MAPK10: variants seen among roughly 807,000 people sequenced by gnomAD.
The protein encoded by MAPK10 is mitogen-activated protein kinase 10, also known as JNK3 alpha protein kinase.
A neutral mutation model predicts 59.3 loss-of-function variants in MAPK10; 25 were observed. That is an observed-to-expected ratio of 0.42 (90% CI 0.31 to 0.59). MAPK10 has a LOEUF of 0.59. Among genes scored for constraint, MAPK10 ranks in the 20% least tolerant of loss-of-function variants. The probability of loss-of-function intolerance (pLI) is 0.15; values close to 1 mark genes in which losing one functional copy is unlikely to be tolerated. For missense variants in MAPK10, 351 were observed against 568.9 expected (o/e 0.62, Z 3.90); for synonymous variants, 190 against 200.5 (o/e 0.95, Z 0.44).
chr4:86,320,709 G>A (rs1053547810), intron 2 of MAPK10, among the ~76,000 whole-genome samples: 2 of 152,176 alleles, frequency 1.3e-5, no homozygotes, highest in African/African-American at 4.8e-5. Flanking sequence ...TGCTTTTGGT[G>A]TTTTAGACAT....
chr4:86,394,451 TGAA>T, intron 1 of MAPK10, among the ~76,000 whole-genome samples: 1 of 152,170 alleles, frequency 6.6e-6, no homozygotes, highest in Non-Finnish European at 1.5e-5. Flanking sequence ...ATATATATCT[TGAA>T]AATAAAATAA....
chr4:86,527,075 G>A (rs924018789), intron 1 of MAPK10, among the ~76,000 whole-genome samples: 27 of 152,040 alleles, frequency 1.8e-4, no homozygotes, highest in African/African-American at 5.8e-4. Context: ...TTTGGAGGCT[G>A]AGGCAAGAGG....
upstream of MAPK10, among the ~76,000 whole-genome samples, chr4:86,453,704 T>A (rs1270091729): frequency 6.6e-6 from 1 of 151,630 alleles, no homozygotes; most frequent in Non-Finnish European, 1.5e-5. Context: ...ACAAAGGGCA[T>A]ATACCCTTGG....
At chr4:86,299,828 G>T (rs561783350) in intron 2 of MAPK10, among the ~76,000 whole-genome samples, 1 of 152,076 alleles carries the variant, frequency 6.6e-6, no homozygotes, top group Non-Finnish European at 1.5e-5. Flanking sequence ...TGCTAAACTA[G>T]AATATTATAT....
At chr4:86,474,145 G>T (rs974846021) in intron 1 of MAPK10, among the ~76,000 whole-genome samples, 1 of 152,108 alleles carries the variant, frequency 6.6e-6, no homozygotes, top group African/African-American at 2.4e-5. Context: ...TTCCAACAGG[G>T]TTTCAGTTTT....
intron 1 of MAPK10, among the ~76,000 whole-genome samples, chr4:86,528,079 C>T (rs187490551): frequency 3.9e-5 from 6 of 152,088 alleles, no homozygotes; most frequent in Admixed American, 1.3e-4. Context: ...TGGGATCATT[C>T]GTACCCCAAA....
At chr4:86,488,424 G>C (rs1754198718) in intron 1 of MAPK10, among the ~76,000 whole-genome samples, 1 of 152,112 alleles carries the variant, frequency 6.6e-6, no homozygotes, top group South Asian at 2.1e-4. Context: ...TTATGAGTTG[G>C]ATAATATCCC....
At chr4:86,277,025 C>T (rs1052629470) in intron 2 of MAPK10, 1 of 152,158 alleles carries the variant, frequency 6.6e-6, no homozygotes, top group Admixed American at 6.6e-5. Flanking sequence ...ATCATCTCTT[C>T]CCTGTGTGAA....
chr4:86,356,309 T>A (rs1734453320), intron 1 of MAPK10, among the ~76,000 whole-genome samples: 1 of 152,194 alleles, frequency 6.6e-6, no homozygotes, highest in Non-Finnish European at 1.5e-5. Flanking sequence ...CATCTCATAG[T>A]CACCAGAGAT....
intron 4 of MAPK10, among the ~76,000 whole-genome samples, chr4:86,133,338 G>C (rs1188989535): frequency 2.0e-5 from 3 of 152,054 alleles, no homozygotes; most frequent in Non-Finnish European, 4.4e-5. Context: ...TGATTCTGTG[G>C]TATTTATCAG....
chr4:86,212,874 AAATGAAC>A (rs1162192334), intron 2 of MAPK10, among the ~76,000 whole-genome samples: 13 of 152,150 alleles, frequency 8.5e-5, no homozygotes, highest in South Asian at 2.1e-4. Flanking sequence ...ACAGCACAAT[AAATGAAC>A]AATAGCTAAT....
chr4:86,498,170 G>A (rs1328732616), intron 1 of MAPK10, among the ~76,000 whole-genome samples: 1 of 152,138 alleles, frequency 6.6e-6, no homozygotes, highest in African/African-American at 2.4e-5. Context: ...TCATCCCTTC[G>A]ACTCTCAAAA....
At chr4:86,021,003 T>C in intron 13 of MAPK10, 1 of 152,378 alleles carries the variant, frequency 6.6e-6, no homozygotes, top group Non-Finnish European at 1.5e-5. Context: ...CCGAGTGGCC[T>C]GTTTTGACAG....
intron 1 of MAPK10, among the ~76,000 whole-genome samples, chr4:86,394,856 T>A (rs1037338347): frequency 1.3e-5 from 2 of 152,180 alleles, no homozygotes; most frequent in African/African-American, 4.8e-5. Context: ...ATGGATGAGG[T>A]TGCTCCTAGC....
chr4:86,032,721 C>G (rs576166411), intron 11 of MAPK10: 1 of 152,326 alleles, frequency 6.6e-6, no homozygotes, highest in South Asian at 2.1e-4. Flanking sequence ...CACAAATATT[C>G]ATCCTAGCCC....
chr4:86,022,597 A>C (rs1231723001), intron 13 of MAPK10, among the ~76,000 whole-genome samples: 1 of 152,026 alleles, frequency 6.6e-6, no homozygotes. Context: ...CTCTAACTCC[A>C]GGGCTCAGGC....
chr4:86,271,731 C>A (rs933554496), intron 2 of MAPK10, among the ~76,000 whole-genome samples: 1 of 151,900 alleles, frequency 6.6e-6, no homozygotes, highest in Non-Finnish European at 1.5e-5. Flanking sequence ...CTTCAAATGG[C>A]AGCAGCAAAG....
chr4:86,015,021 A>AC lies in MAPK10; in HGVS notation c.*2206_*2207insG. On this transcript the variant is annotated 3_prime_UTR_variant, in exon 14 of 14. Coordinates refer to ENST00000641462, the MANE Select transcript of MAPK10 (RefSeq NM_138982.4). ...AGGAGAAGTTTTTAAAAAAAAAAAA[A>AC]AAAAACAGGAATATGAAAGAGAGGG... 6.6e-6 allele frequency: 1 copy of AC among 151,916 alleles called. No individual in the cohort carries two copies. Among genetic ancestry groups the AC allele is most frequent in the African/African-American group, 2.4e-5 (1 of 41,324 alleles). 9.4% of individuals were successfully genotyped at this position (151,916 alleles called of 1,614,324 possible). A position where few individuals can be genotyped will look rare whatever the true frequency, so the allele number is the denominator to read the frequency against.
At position 86,374,405 on chromosome 4, in the gene MAPK10, TA is replaced by T. The variant is rs965326665; in HGVS notation, c.-121-19762del. Among the ~76,000 whole-genome samples the T allele has an allele frequency of 1.3e-4, 19 of 150,794 alleles. No individual in the cohort carries two copies. The South Asian group carries it at 1.3e-3, about 10-fold the overall frequency. On this transcript the variant is annotated intron_variant, in intron 1 of 13. Coordinates refer to the MAPK10 transcript ENST00000361569. ...ATGTATCCCAGAACTTAAAGCATAA[TA>T]AAAAAAAAATTTTTAAAAAGATGTA...
Sources: allele counts gnomAD v4.1 joint callset (sites outside exome capture counted in the v4.1 genomes callset), GRCh38; gene constraint gnomAD v4.1.1; transcripts MANE v1.5; gene names NCBI Gene and HGNC (gene_info 2026-07-23, HGNC 2026-07-21).